CENPE: variants seen among roughly 807,000 people sequenced by gnomAD.
CENPE encodes centromere-associated protein E.
Under a neutral mutation model 336.1 loss-of-function variants are expected in CENPE, and 145 were observed. The observed-to-expected ratio is 0.43, with a 90% CI of 0.38 to 0.50. The LOEUF (loss-of-function observed/expected upper bound fraction) is 0.50. Ranked by LOEUF, CENPE falls within the 20% of genes least tolerant of loss-of-function variation. The probability of loss-of-function intolerance (pLI) is 0.00; values close to 1 mark genes in which losing one functional copy is unlikely to be tolerated. For synonymous variants in CENPE, 1,013 were observed against 984.8 expected, an observed-to-expected ratio of 1.03 and a Z score of -0.54; for missense variants, 2,719 against 3,023.3, an observed-to-expected ratio of 0.90 and a Z score of 2.36.
In CENPE at chr4:103,120,908, GT is replaced by G. The variant is rs1472899824; in HGVS notation, c.7144-576del. Among the ~76,000 whole-genome samples the G allele has an allele frequency of 5.9e-5, 9 of 152,118 alleles. No homozygotes were observed. The East Asian group carries it at 1.5e-3, about 26-fold the overall frequency. ...GTGCCACCACGCCTAGCTAATTTTT[GT>G]ACTTTTAGTAGAGACGGGGTTTCAC... On this transcript the variant is annotated intron_variant, in intron 43 of 48. Transcript: ENST00000265148.
In CENPE at chr4:103,106,274, C is replaced by T. The variant is rs778819691; in HGVS notation, c.8054G>A (p.Gly2685Asp). Residue 2685 changes from glycine (G) to aspartate (D), a missense_variant, in exon 49 of 49, where the codon GGT (glycine) becomes GAT (aspartate). This residue lies in a region of CENPE where 2,437 missense variants were observed against 2,513.3 expected (regional missense o/e 0.97). Coordinates refer to ENST00000265148, the MANE Select transcript of CENPE (RefSeq NM_001813.3). ...AGAESVDSQP[G>D]PWHASSGKDV... ...CTTGCCTGAGGAGGCGTGCCAAGGA[C>T]CTGGCTGAGAATCCACACTCTCTGC... 2 of 1,602,822 alleles carry T rather than the reference C, an allele frequency of 1.2e-6. No homozygotes were observed. The highest frequency in any genetic ancestry group is 1.7e-6 in the Non-Finnish European group (2 of 1,173,840).
intron 39 of CENPE, among the ~76,000 whole-genome samples, chr4:103,137,770 G>A (rs944618101): frequency 6.6e-6 from 1 of 152,174 alleles, no homozygotes; most frequent in Admixed American, 6.5e-5. Context: ...CTGCCTGGGT[G>A]ATTGAAATCA....
At chr4:103,154,370 A>T (rs1356874780) in intron 24 of CENPE, among the ~76,000 whole-genome samples, 1 of 151,842 alleles carries the variant, frequency 6.6e-6, no homozygotes, top group Non-Finnish European at 1.5e-5. Context: ...TATCTTTTCC[A>T]CTTAGATCAT....
At chr4:103,111,046 T>C in intron 46 of CENPE, 35 bp from the exon 47 acceptor site, 1 of 1,444,420 alleles carries the variant, frequency 6.9e-7, no homozygotes. Flanking sequence ...GGTGATAATT[T>C]TAATTGTCTC....
Position 103,196,746 on chromosome 4 carries a change from A to G in CENPE, c.148+13T>C, listed in dbSNP as rs763252292. ...GGATAACAAGGTAACTTTTGATGCT[A>G]TTATAAGCTTACCAAAATTGAAGGA... is the stretch of plus-strand genomic sequence containing the variant. On this transcript the variant is annotated intron_variant, in intron 2 of 48. Coordinates refer to ENST00000265148, the MANE Select transcript of CENPE (RefSeq NM_001813.3). 7.7e-7 allele frequency: 1 copy of G among 1,299,990 alleles called. No individual in the cohort carries two copies. Among genetic ancestry groups the G allele is most frequent in the South Asian group, 1.2e-5 (1 of 81,926 alleles). The allele number at this position is 1,299,990 out of a possible 1,614,324, so 80.5% of individuals were successfully genotyped here.
intron 42 of CENPE, among the ~76,000 whole-genome samples, chr4:103,130,377 T>C (rs1170570371): frequency 1.3e-5 from 2 of 152,114 alleles, no homozygotes; most frequent in African/African-American, 4.8e-5. Flanking sequence ...ATACCAGCAA[T>C]TTACAAGTGT....
chr4:103,140,793 TAA>T lies in CENPE; in HGVS notation c.5754+19_5754+20del, dbSNP rs1159043381. The T allele has an allele frequency of 1.9e-6, 3 of 1,555,336 alleles. No homozygotes were observed. Among genetic ancestry groups the T allele is most frequent in the Non-Finnish European group, 1.7e-6 (2 of 1,157,268 alleles). On this transcript the variant is annotated intron_variant, in intron 36 of 48. Coordinates refer to ENST00000265148, the MANE Select transcript of CENPE (RefSeq NM_001813.3). Reference sequence around the variant, plus strand: ...CAAATATGTGAATATAATGGTAGGGTAAAGAGAGAACACAACTCACTCTAGCT... The same window carrying T: ...CAAATATGTGAATATAATGGTAGGGTAGAGAGAACACAACTCACTCTAGCT...
intron 34 of CENPE, among the ~76,000 whole-genome samples, chr4:103,142,278 A>G (rs1752629019): frequency 6.6e-6 from 1 of 152,182 alleles, no homozygotes; most frequent in South Asian, 2.1e-4. Flanking sequence ...CACTCCTTTA[A>G]CAGTATATAT....
chr4:103,195,795 T>C, intron 4 of CENPE, 125 bp downstream of exon 4: 2 of 682,208 alleles, frequency 2.9e-6, no homozygotes, highest in Non-Finnish European at 5.3e-6. Flanking sequence ...TCTTTCCCCA[T>C]GGATAATCAA....
At position 103,116,583 on chromosome 4, in the gene CENPE, T is replaced by C. The variant is rs1235453664; in HGVS notation, c.7436A>G (p.Glu2479Gly). 2.0e-6 allele frequency: 3 copies of C among 1,512,388 alleles called. No homozygotes were observed. The highest frequency in any genetic ancestry group is 2.7e-6 in the Non-Finnish European group (3 of 1,111,370). The allele number at this position is 1,512,388 out of a possible 1,614,324, so 93.7% of individuals were successfully genotyped here. ...LEKMKNAKEF[E>G]KEISATKATV... ...AATTAAGACAAATACGTACTCCTTT[T>C]CAAATTCTTTGGCATTTTTCATTTT... The change falls in exon 45 of 49, where the codon GAA becomes GGA. Residue 2479 changes from glutamate to glycine, a missense_variant. Coordinates refer to ENST00000265148, the MANE Select transcript of CENPE (RefSeq NM_001813.3).
chr4:103,151,098 T>C lies in CENPE; in HGVS notation c.3396+121A>G, dbSNP rs111592283. 4.9e-4 allele frequency: 417 copies of C among 842,904 alleles called. 6 individuals are homozygous for C. In the African/African-American group the frequency reaches 6.2e-3, roughly 12 times the overall value. The allele number at this position is 842,904 out of a possible 1,614,324, so 52.2% of individuals were successfully genotyped here. A position where few individuals can be genotyped will look rare whatever the true frequency, so the allele number is the denominator to read the frequency against. On this transcript the variant is annotated intron_variant, in intron 26 of 48. Transcript: ENST00000265148. ...GTTAAAATTGTCCAAAATACTAGCA[T>C]TGAAATATGTTCATTTGGGAGGTAT...
intron 14 of CENPE, among the ~76,000 whole-genome samples, 199 bp downstream of exon 14, chr4:103,176,700 C>T (rs1349759151): frequency 6.6e-6 from 1 of 152,186 alleles, no homozygotes; most frequent in Admixed American, 6.5e-5. Context: ...GCCGGGATTA[C>T]AGGCGCCTGC....
At chr4:103,190,971 C>G (rs569733485) in intron 8 of CENPE, among the ~76,000 whole-genome samples, 18 of 151,324 alleles carry the variant, frequency 1.2e-4, no homozygotes, top group African/African-American at 4.4e-4. Context: ...ACAACCACAT[C>G]GACAAGTGGG....
intron 26 of CENPE, among the ~76,000 whole-genome samples, chr4:103,149,751 T>C (rs987533187): frequency 2.0e-5 from 3 of 152,166 alleles, no homozygotes; most frequent in African/African-American, 7.2e-5. Context: ...AAGGAGGTCA[T>C]GTGAAGCAGT....
intron 39 of CENPE, 27 bp downstream of exon 39, chr4:103,138,324 T>C (rs761978545): frequency 4.8e-6 from 7 of 1,444,666 alleles, no homozygotes; most frequent in Non-Finnish European, 6.8e-6. Flanking sequence ...CCAATAATCA[T>C]TTGTAGTTTT....
intron 42 of CENPE, among the ~76,000 whole-genome samples, chr4:103,123,969 T>TA (rs1750873928): frequency 1.3e-5 from 2 of 152,356 alleles, no homozygotes; most frequent in South Asian, 4.1e-4. Flanking sequence ...GAGAGTGCAG[T>TA]AAAATAAGAT....
At chr4:103,129,740 T>C (rs528784248) in intron 42 of CENPE, among the ~76,000 whole-genome samples, 2 of 131,558 alleles carry the variant, frequency 1.5e-5, no homozygotes, top group African/African-American at 5.3e-5. Context: ...TAAAATAAAA[T>C]AAAATAAAAA....
At chr4:103,195,306 T>G in intron 4 of CENPE, 73 bp from the exon 5 acceptor site, 3 of 1,338,450 alleles carry the variant, frequency 2.2e-6, no homozygotes, top group Non-Finnish European at 1.0e-6. Context: ...AATGCTCATG[T>G]GCTTAAAGAG....
chr4:103,130,304 T>C lies in CENPE; in HGVS notation c.6924+2389A>G, dbSNP rs1751472653. On this transcript the variant is annotated intron_variant, in intron 42 of 48. Transcript: ENST00000265148. Reference sequence around the variant, plus strand: ...CAACAAAAATACTCCTGGAACTAAATAAGCAACTATCGCAAAGTTGCAGGA... The same window carrying C: ...CAACAAAAATACTCCTGGAACTAAACAAGCAACTATCGCAAAGTTGCAGGA... Among the ~76,000 whole-genome samples the C allele has an allele frequency of 1.3e-5, 2 of 152,180 alleles. 1 individual carries two copies. Among genetic ancestry groups the C allele is most frequent in the South Asian group, 4.1e-4 (2 of 4,836 alleles).
Sources: gnomAD v4.1 joint callset for allele counts (sites outside exome capture counted in the v4.1 genomes callset) on GRCh38, gnomAD v4.1.1 for gene constraint, gnomAD v4.1.1 regional missense constraint, MANE v1.5 for transcripts, NCBI Gene and HGNC (gene_info 2026-07-23, HGNC 2026-07-21) for gene names.